Variants in ABCC12 observed in about 807,000 individuals in gnomAD.
The protein encoded by ABCC12 is ATP binding cassette subfamily C member 12.
ABCC12 carries 142 observed loss-of-function variants against 151.1 expected under a neutral mutation model. The ratio of observed to expected loss-of-function variants is 0.94; its 90% CI spans 0.82 to 1.08. The LOEUF (loss-of-function observed/expected upper bound fraction) is 1.08. ABCC12 is among the 50% of genes least tolerant of loss of function. The probability of loss-of-function intolerance (pLI) is 0.00; values close to 1 mark genes in which losing one functional copy is unlikely to be tolerated. For synonymous variants in ABCC12, 645 were observed against 646.4 expected (o/e 1.00, Z 0.03); for missense variants, 1,638 against 1,691.1 (o/e 0.97, Z 0.55).
At position 48,130,897 on chromosome 16, in the gene ABCC12, TG is replaced by T; in HGVS notation, c.1129-3del. ...AAACATGGCAATCACACTAAATGCC[TG>T]AAGAACAAAAGAGAAGTATGAGGGT... On this transcript the variant is annotated splice_polypyrimidine_tract_variant and splice_region_variant and intron_variant, in intron 9 of 30. Transcript: ENST00000311303. 1 of 1,601,850 alleles carries T rather than the reference TG, an allele frequency of 6.2e-7. No individual in the cohort carries two copies. Among genetic ancestry groups the T allele is most frequent in the Non-Finnish European group, 8.5e-7 (1 of 1,169,796 alleles).
chr16:48,084,169 A>G, intron 29 of ABCC12, 96 bp from the exon 30 acceptor site: 3 of 1,270,562 alleles, frequency 2.4e-6, no homozygotes, highest in Admixed American at 2.7e-5. Flanking sequence ...AAGAAGAAAA[A>G]TAAGACCACA....
chr16:48,138,237 T>A lies in ABCC12; in HGVS notation c.970A>T (p.Thr324Ser). 1 of 1,608,648 alleles carries A rather than the reference T, an allele frequency of 6.2e-7. No homozygotes were observed. Among genetic ancestry groups the A allele is most frequent in the Non-Finnish European group, 8.5e-7 (1 of 1,175,738 alleles). The change falls in exon 8 of 31, where the codon ACT becomes TCT. Residue 324 changes from threonine to serine, a missense_variant. By Grantham distance (58) the Thr-to-Ser change is moderately conservative. Coordinates refer to ENST00000311303, the MANE Select transcript of ABCC12 (RefSeq NM_001393797.1). Reference protein sequence around the residue: ...MYAWEKSFTNTIQDIRRRERK... With the variant: ...MYAWEKSFTNSIQDIRRRERK... ...GCTACTCTTGTCCTACCTTGGATAGTGTTGGTAAAAGATTTCTCCCAGGCA... is the reference window on the plus strand; with the variant it reads ...GCTACTCTTGTCCTACCTTGGATAGAGTTGGTAAAAGATTTCTCCCAGGCA...
At chr16:48,117,915 C>T (rs924676924) in intron 13 of ABCC12, among the ~76,000 whole-genome samples, 6 of 152,166 alleles carry the variant, frequency 3.9e-5, no homozygotes, top group Non-Finnish European at 5.9e-5. Flanking sequence ...GATACTGAGT[C>T]GAAGGGAATG....
rs1251765070 is a variant in ABCC12 at position 48,080,898 on chromosome 16, G to A, written c.*2817C>T. ...TAGACTGAGTAATTTATAAACAACAGAAATTTATTGCTCACAGTTCTGGAC... is the reference window on the plus strand; with the variant it reads ...TAGACTGAGTAATTTATAAACAACAAAAATTTATTGCTCACAGTTCTGGAC... On this transcript the variant is annotated 3_prime_UTR_variant, in exon 31 of 31. Coordinates refer to ENST00000311303, the MANE Select transcript of ABCC12 (RefSeq NM_001393797.1). Among the ~76,000 whole-genome samples the A allele has an allele frequency of 1.3e-5, 2 of 152,200 alleles. No individual in the cohort carries two copies. Among genetic ancestry groups the A allele is most frequent in the Non-Finnish European group, 2.9e-5 (2 of 68,036 alleles).
At position 48,117,197 on chromosome 16, in the gene ABCC12, C is replaced by T. The variant is rs889075432; in HGVS notation, c.1785+64G>A. The stretch of plus-strand genomic sequence containing the variant: ...GAACAGGGGCTTGCTGGCCTCAGCC[C>T]TTTGGACCTGAGCAAATGTACTGTG... On this transcript the variant is annotated intron_variant, in intron 14 of 30. Coordinates refer to ENST00000311303, the MANE Select transcript of ABCC12 (RefSeq NM_001393797.1). The T allele has an allele frequency of 5.3e-6, 8 of 1,502,190 alleles. No homozygotes were observed. In the African/African-American group the frequency reaches 9.6e-5, roughly 18 times the overall value. The allele number at this position is 1,502,190 out of a possible 1,614,324, so 93.1% of individuals were successfully genotyped here. A position where few individuals can be genotyped will look rare whatever the true frequency, so the allele number is the denominator to read the frequency against.
chr16:48,096,686 T>C (rs890487345), intron 24 of ABCC12, 60 bp downstream of exon 24: 68 of 1,570,158 alleles, frequency 4.3e-5, no homozygotes, highest in Non-Finnish European at 5.9e-5. Flanking sequence ...AAAAGCACCC[T>C]CGCTGATGTA....
At chr16:48,121,537 C>G (rs1964067900) in intron 13 of ABCC12, 179 bp downstream of exon 13, 6 of 772,094 alleles carry the variant, frequency 7.8e-6, no homozygotes, top group Non-Finnish European at 1.2e-5. Context: ...CAGAAGTCGC[C>G]TCTCCTGAAC....
chr16:48,145,156 T>C (rs923066536), intron 3 of ABCC12, among the ~76,000 whole-genome samples: 1 of 152,260 alleles, frequency 6.6e-6, no homozygotes, highest in East Asian at 1.9e-4. Flanking sequence ...GTCCTCACCT[T>C]CCAACCTCCA....
chr16:48,091,082 T>G (rs371058280), intron 25 of ABCC12, 38 bp downstream of exon 25: 1 of 1,600,306 alleles, frequency 6.2e-7, no homozygotes, highest in African/African-American at 1.3e-5. Flanking sequence ...CCTGCCAAAA[T>G]TAACTTGTCC....
intron 28 of ABCC12, chr16:48,086,361 G>A (rs1962602186): frequency 5.0e-6 from 1 of 198,864 alleles, no homozygotes; most frequent in African/African-American, 2.3e-5. Flanking sequence ...AGAGTAGCAG[G>A]GCCTTCCATC....
chr16:48,127,774 T>A lies in ABCC12; in HGVS notation c.1515+685A>T, dbSNP rs547941519. Among the ~76,000 whole-genome samples, 144 of 152,260 alleles carry A rather than the reference T, an allele frequency of 9.5e-4. 3 individuals carry two copies. In the South Asian group the frequency reaches 0.028, roughly 29 times the overall value. ...ATTCCAATGTGAAATTAAGAACATA[T>A]CTAGGACAGGAGCAGTGGTTCATGC... On this transcript the variant is annotated intron_variant, in intron 11 of 30. Transcript: ENST00000311303.
chr16:48,091,663 C>T (rs1464042291), intron 24 of ABCC12, among the ~76,000 whole-genome samples: 1 of 152,192 alleles, frequency 6.6e-6, no homozygotes, highest in African/African-American at 2.4e-5. Flanking sequence ...ACCATCAAGC[C>T]TGTCTTCTTG....
chr16:48,092,925 G>A (rs942897524), intron 24 of ABCC12, among the ~76,000 whole-genome samples: 14 of 152,152 alleles, frequency 9.2e-5, no homozygotes, highest in Admixed American at 9.2e-4. Flanking sequence ...GCGAGCAGGC[G>A]CGTGACGTGG....
intron 23 of ABCC12, among the ~76,000 whole-genome samples, chr16:48,097,953 C>T (rs1963161380): frequency 6.6e-6 from 1 of 152,284 alleles, no homozygotes; most frequent in South Asian, 2.1e-4. Context: ...AGGTGCCAGT[C>T]ACCCAAGGAT....
Position 48,083,985 on chromosome 16 carries a change from C to T in ABCC12, c.3917G>A (p.Cys1306Tyr), listed in dbSNP as rs1270083231. 1 of 1,612,146 alleles carries T rather than the reference C, an allele frequency of 6.2e-7. No individual in the cohort carries two copies. The highest frequency in any genetic ancestry group is 8.5e-7 in the Non-Finnish European group (1 of 1,179,440). The change falls in exon 30 of 31, where the codon TGC (cysteine) becomes TAC (tyrosine). Residue 1306 changes from cysteine to tyrosine, a missense_variant. Cys to Tyr is a radical substitution (Grantham distance 194, BLOSUM62 -2). Coordinates refer to ENST00000311303, the MANE Select transcript of ABCC12 (RefSeq NM_001393797.1). Reference protein sequence around the residue: ...QNTIKDAFKGCTVLTIAHRLN... With the variant: ...QNTIKDAFKGYTVLTIAHRLN... ...GCGGTGGGCGATGGTCAGCACAGTG[C>T]AGCCCTTGAAGGCATCTTTGATGGT...
intron 11 of ABCC12, among the ~76,000 whole-genome samples, chr16:48,125,917 G>T (rs1964223459): frequency 6.6e-6 from 1 of 152,136 alleles, no homozygotes; most frequent in Non-Finnish European, 1.5e-5. Flanking sequence ...TGTAAATTTG[G>T]TTGGCTGAGT....
intron 13 of ABCC12, among the ~76,000 whole-genome samples, chr16:48,117,777 A>G (rs1235137380): frequency 1.3e-5 from 2 of 152,114 alleles, no homozygotes; most frequent in Non-Finnish European, 2.9e-5. Context: ...GGAGGCTAAC[A>G]GCAGGGGGCT....
In ABCC12 at chr16:48,108,458, A is replaced by G; in HGVS notation, c.2353T>C (p.Tyr785His). ...ACTGAACCTCCAGAAGCCTTAATGT[A>G]CGTGTGATATGTTTTCCAGGTCACG... ...GTVTWKTYHT[Y>H]IKASGGYLLS... Residue 785 changes from tyrosine (Y) to histidine (H), a missense_variant, in exon 19 of 31, where the codon TAC (tyrosine) becomes CAC (histidine). By Grantham distance (83) the Tyr-to-His change is moderately conservative. Transcript: ENST00000311303. 1.2e-6 allele frequency: 2 copies of G among 1,614,126 alleles called. No individual in the cohort carries two copies. The highest frequency in any genetic ancestry group is 1.3e-5 in the African/African-American group (1 of 75,070).
intron 18 of ABCC12, among the ~76,000 whole-genome samples, chr16:48,109,661 T>C (rs1429632147): frequency 6.6e-6 from 1 of 152,180 alleles, no homozygotes; most frequent in East Asian, 1.9e-4. Context: ...CCTTTGAAAA[T>C]GTTCAGCCTG....
Sources: gnomAD v4.1 joint callset for allele counts (sites outside exome capture counted in the v4.1 genomes callset) on GRCh38, gnomAD v4.1.1 for gene constraint, MANE v1.5 for transcripts, NCBI Gene and HGNC (gene_info 2026-07-23, HGNC 2026-07-21) for gene names.